The following TEX15 variants were observed in gnomAD, a reference collection of about 807,000 sequenced individuals.
TEX15 encodes the protein testis expressed 15, meiosis and synapsis associated.
In TEX15, 171 loss-of-function variants were observed where a neutral mutation model predicts 237.3. The observed-to-expected ratio is 0.72, with a 90% confidence interval of 0.64 to 0.82. The LOEUF (loss-of-function observed/expected upper bound fraction) is 0.82, where lower values mean the gene tolerates loss of function less well. Among genes scored for constraint, TEX15 ranks in the 40% least tolerant of loss-of-function variants. The pLI is 0.00. For synonymous variants in TEX15, 1,338 were observed against 1,269.8 expected, an observed-to-expected ratio of 1.05 and a Z score of -1.14; for missense variants, 3,750 against 3,646.5, an observed-to-expected ratio of 1.03 and a Z score of -0.73.
chr8:30,912,163 C>T (rs1460673001), intron 1 of TEX15, among the ~76,000 whole-genome samples: 1 of 152,194 alleles, frequency 6.6e-6, no homozygotes, highest in Admixed American at 6.5e-5. Flanking sequence ...CCGCGTCCAC[C>T]GGCTCCTGCA....
Position 30,885,952 on chromosome 8 carries a change from C to G in TEX15, c.136+1215G>C, listed in dbSNP as rs1001344706. On this transcript the variant is annotated intron_variant, in intron 3 of 10. Transcript: ENST00000643185. ...TCATTTCTTTGATGAGATTTTCTAG[C>G]TTTTCATTTGTTTCAAAAGTGTCTG... Among the ~76,000 whole-genome samples, 10 of 152,094 alleles carry G rather than the reference C, an allele frequency of 6.6e-5. 1 individual carries two copies. Among genetic ancestry groups the G allele is most frequent in the Admixed American group, 5.2e-4 (8 of 15,244 alleles).
intron 5 of TEX15, among the ~76,000 whole-genome samples, chr8:30,862,011 G>T (rs1419228103): frequency 4.6e-5 from 7 of 152,026 alleles, no homozygotes; most frequent in African/African-American, 1.7e-4. Flanking sequence ...ATAATATATA[G>T]GTTTACTGAG....
In TEX15 at chr8:30,846,895, G is replaced by A; in HGVS notation, c.3272C>T (p.Thr1091Ile). Residue 1091 changes from threonine (T) to isoleucine (I), a missense_variant, in exon 8 of 11, where the codon ACC becomes ATC. By Grantham distance (89) the Thr-to-Ile change is moderately conservative (BLOSUM62 -1). Coordinates refer to ENST00000643185, the MANE Select transcript of TEX15 (RefSeq NM_001350162.2). ...ACGAGACTTCAGAGCCTTATATGAG[G>A]TCACAAATTCTTCACAAAGCATGTT... ...HENMLCEEFV[T>I]SYKALKSRIS... 1.2e-6 allele frequency: 2 copies of A among 1,613,744 alleles called. No individual in the cohort carries two copies. The highest frequency in any genetic ancestry group is 1.7e-6 in the Non-Finnish European group (2 of 1,179,786).
In TEX15 at chr8:30,836,858, A is replaced by G; in HGVS notation, c.9426T>C (p.Ala3142=). ...QYASHQPLPQ[A]TYPYLPNRFV... is the part of the protein sequence containing the mutation. ...ATCGATTAGGAAGGTAAGGGTATGTAGCTTGTGGTAATGGCTGATGAGAAG... is the reference window on the plus strand; with the variant it reads ...ATCGATTAGGAAGGTAAGGGTATGTGGCTTGTGGTAATGGCTGATGAGAAG... Residue 3142 remains alanine, a synonymous_variant, in exon 10 of 11, where the codon GCT becomes GCC. Coordinates refer to ENST00000643185, the MANE Select transcript of TEX15 (RefSeq NM_001350162.2). 1 of 1,614,162 alleles carries G rather than the reference A, an allele frequency of 6.2e-7. No homozygotes were observed. Among genetic ancestry groups the G allele is most frequent in the Admixed American group, 1.7e-5 (1 of 60,028 alleles).
rs899825179 is a variant in TEX15, at chr8:30,844,358, C to G, written c.5809G>C (p.Asp1937His). The G allele has an allele frequency of 6.2e-7, 1 of 1,611,182 alleles. No individual in the cohort carries two copies. The highest frequency in any genetic ancestry group is 1.3e-5 in the African/African-American group (1 of 74,782). Residue 1937 changes from aspartate (D) to histidine (H), a missense_variant, in exon 8 of 11, where the codon GAC (aspartate) becomes CAC (histidine). Transcript: ENST00000643185. ...EIKVSKDSQSDLTLHSEIAYI... is the reference protein window; with the variant it reads ...EIKVSKDSQSHLTLHSEIAYI... ...GCTATTTCTGAATGTAATGTCAAGT[C>G]AGACTGCGAGTCTTTACTAACTTTA...
rs748667149 is a variant in TEX15, at chr8:30,844,196, C to T, written c.5971G>A (p.Ala1991Thr). Reference sequence around the variant, plus strand: ...TTAGCTATAAGGGCCGTATGATTAGCTGAGCAATGTTTTTCTTTAAAATCA... The same window carrying T: ...TTAGCTATAAGGGCCGTATGATTAGTTGAGCAATGTTTTTCTTTAAAATCA... ...VSDFKEKHCS[A>T]NHTALIANLS... The change falls in exon 8 of 11, where the codon GCT becomes ACT. Residue 1991 changes from alanine to threonine, a missense_variant. By Grantham distance (58) the Ala-to-Thr change is moderately conservative. Coordinates refer to ENST00000643185, the MANE Select transcript of TEX15 (RefSeq NM_001350162.2). 20 of 1,611,946 alleles carry T rather than the reference C, an allele frequency of 1.2e-5. No individual in the cohort carries two copies. The highest frequency in any genetic ancestry group is 1.6e-5 in the Non-Finnish European group (19 of 1,179,174).
At chr8:30,859,496 GAGTAATTAAATCAA>G (rs1207518467) in intron 6 of TEX15, among the ~76,000 whole-genome samples, 1 of 151,962 alleles carries the variant, frequency 6.6e-6, no homozygotes, top group Non-Finnish European at 1.5e-5. Flanking sequence ...ATACAATGAG[GAGTAATTAAATCAA>G]GGTAATTAAC....
In TEX15 at chr8:30,844,019, C is replaced by A. The variant is rs367594731; in HGVS notation, c.6148G>T (p.Glu2050Ter). 5 of 1,611,466 alleles carry A rather than the reference C, an allele frequency of 3.1e-6. No individual in the cohort carries two copies. The African/African-American group carries it at 6.7e-5, about 22-fold the overall frequency. The change falls in exon 8 of 11, where the codon GAA becomes TAA. Residue 2050 changes from glutamate (E) to a stop codon, truncating the protein, a stop_gained. Transcript: ENST00000643185. LOFTEE classifies it high-confidence loss of function. ...CACAGGTTTTGGTCTACCAACAGTT[C>A]TCTTGAAATCAGGATTTGTTCAACT... is the stretch of plus-strand genomic sequence containing the variant. The part of the protein sequence containing the change: ...CSVEQILISR[E>*]LLVDQNLWNN...
At chr8:30,871,404 A>G (rs1407483137) in intron 4 of TEX15, among the ~76,000 whole-genome samples, 1 of 152,032 alleles carries the variant, frequency 6.6e-6, no homozygotes, top group Non-Finnish European at 1.5e-5. Flanking sequence ...AGCTCCCATG[A>G]TGGTCACAAG....
Position 30,844,580 on chromosome 8 carries a change from T to C in TEX15, c.5587A>G (p.Thr1863Ala), listed in dbSNP as rs770682375. 3 of 1,613,208 alleles carry C rather than the reference T, an allele frequency of 1.9e-6. No individual in the cohort carries two copies. Among genetic ancestry groups the C allele is most frequent in the Non-Finnish European group, 2.5e-6 (3 of 1,179,554 alleles). Residue 1863 changes from threonine to alanine, a missense_variant, in exon 8 of 11, where the codon ACT (threonine) becomes GCT (alanine). Physicochemically the swap from Thr to Ala is moderately conservative, Grantham distance 58. Coordinates refer to ENST00000643185, the MANE Select transcript of TEX15 (RefSeq NM_001350162.2). ...AKDSVYKRSM[T>A]EGSTVNTEYK... ...TCAGTATTAACAGTTGATCCTTCAGTCATGCTTCTTTTGTAAACAGAATCT... is the reference window on the plus strand; with the variant it reads ...TCAGTATTAACAGTTGATCCTTCAGCCATGCTTCTTTTGTAAACAGAATCT...
intron 5 of TEX15, among the ~76,000 whole-genome samples, chr8:30,863,842 C>T (rs568387780): frequency 6.6e-6 from 1 of 152,102 alleles, no homozygotes; most frequent in South Asian, 2.1e-4. Flanking sequence ...AAAACCACAA[C>T]CAAACCCTGG....
In TEX15 at chr8:30,858,774, A is replaced by T. The variant is rs1363655585; in HGVS notation, c.744T>A (p.Cys248Ter). 6.5e-7 allele frequency: 1 copy of T among 1,535,748 alleles called. No individual in the cohort carries two copies. Among genetic ancestry groups the T allele is most frequent in the African/African-American group, 1.4e-5 (1 of 73,150 alleles). Residue 248 changes from cysteine to a stop codon, truncating the protein, a stop_gained, in exon 7 of 11, where the codon TGT becomes TGA. Transcript: ENST00000643185. LOFTEE classifies it high-confidence loss of function. ...LSKPVDKPRQ[C>*]LPYAVVTVKF... ...TTACTGTTACTACAGCATATGGAAGACATTGCCTAGGTTTATCTACAGGCT... is the reference window on the plus strand; with the variant it reads ...TTACTGTTACTACAGCATATGGAAGTCATTGCCTAGGTTTATCTACAGGCT...
At chr8:30,881,510 T>C (rs2128774728) in intron 3 of TEX15, among the ~76,000 whole-genome samples, 1 of 152,240 alleles carries the variant, frequency 6.6e-6, no homozygotes, top group South Asian at 2.1e-4. Flanking sequence ...TTATGGCTTC[T>C]TTTTCCTTTG....
rs374258348 is a variant in TEX15 at position 30,846,154 on chromosome 8, C to T, written c.4013G>A (p.Cys1338Tyr). 6.2e-7 allele frequency: 1 copy of T among 1,613,302 alleles called. No homozygotes were observed. The highest frequency in any genetic ancestry group is 1.3e-5 in the African/African-American group (1 of 74,882). Residue 1338 changes from cysteine to tyrosine, a missense_variant, in exon 8 of 11, where the codon TGT becomes TAT. By Grantham distance (194) the Cys-to-Tyr change is radical. Transcript: ENST00000643185. ...TCGTCCTTGGGATAATGAAGAGAAA[C>T]ACTCAGATGAGTCTTGACTGGTTAG... ...RRLTSQDSSE[C>Y]FSSLSQGRIK...
Position 30,846,720 on chromosome 8 carries a change from G to C in TEX15, c.3447C>G (p.Ser1149Arg). The C allele has an allele frequency of 6.2e-7, 1 of 1,613,524 alleles. No homozygotes were observed. Among genetic ancestry groups the C allele is most frequent in the Non-Finnish European group, 8.5e-7 (1 of 1,179,746 alleles). ...STQNNETELT[S>R]PILLPDLQIK... ...TTTGTAGATCTGGAAGTAAAATTGGGCTGGTAAGTTCTGTTTCATTGTTTT... is the reference window on the plus strand; with the variant it reads ...TTTGTAGATCTGGAAGTAAAATTGGCCTGGTAAGTTCTGTTTCATTGTTTT... The change falls in exon 8 of 11, where the codon AGC becomes AGG. Residue 1149 changes from serine (S) to arginine (R), a missense_variant. Transcript: ENST00000643185.
chr8:30,848,630 T>A lies in TEX15; in HGVS notation c.1537A>T (p.Met513Leu). ...ATACAGTCATAGTCCTCAGAGCCCA[T>A]GTTGTGAGCCCAAGATTGTGAATCA... is the stretch of plus-strand genomic sequence containing the variant. ...VNDSQSWAHN[M>L]GSEDYDCIPP... The change falls in exon 8 of 11, where the codon ATG (methionine) becomes TTG (leucine). Residue 513 changes from methionine (M) to leucine (L), a missense_variant. Coordinates refer to ENST00000643185, the MANE Select transcript of TEX15 (RefSeq NM_001350162.2). 1 of 1,614,134 alleles carries A rather than the reference T, an allele frequency of 6.2e-7. No individual in the cohort carries two copies. The highest frequency in any genetic ancestry group is 8.5e-7 in the Non-Finnish European group (1 of 1,180,004).
chr8:30,906,800 G>A (rs368425150), intron 1 of TEX15, among the ~76,000 whole-genome samples: 1 of 152,010 alleles, frequency 6.6e-6, no homozygotes, highest in Non-Finnish European at 1.5e-5. Context: ...CCCATTTTAC[G>A]TATGAAAATT....
At chr8:30,910,610 C>CTT (rs796129316) in intron 1 of TEX15, among the ~76,000 whole-genome samples, 264 of 97,862 alleles carry the variant, frequency 2.7e-3, no homozygotes, top group African/African-American at 4.9e-3. Flanking sequence ...CACGCCTGGC[C>CTT]TTTTTTTTTT....
chr8:30,837,157 C>T lies in TEX15; in HGVS notation c.9127G>A (p.Ala3043Thr). The change falls in exon 10 of 11, where the codon GCT becomes ACT. Residue 3043 changes from alanine (A) to threonine (T), a missense_variant. By Grantham distance (58) the Ala-to-Thr change is moderately conservative (BLOSUM62 0). Coordinates refer to ENST00000643185, the MANE Select transcript of TEX15 (RefSeq NM_001350162.2). Reference sequence around the variant, plus strand: ...TTGCTGTACTGATAAACACACCAAGCAGAGTATGGATATGAAGTTCCAAAT... The same window carrying T: ...TTGCTGTACTGATAAACACACCAAGTAGAGTATGGATATGAAGTTCCAAAT... Reference protein sequence around the residue: ...HLFGTSYPYSAWCVYQYSNSN... With the variant: ...HLFGTSYPYSTWCVYQYSNSN... 1 of 1,614,036 alleles carries T rather than the reference C, an allele frequency of 6.2e-7. No homozygotes were observed. The highest frequency in any genetic ancestry group is 1.1e-5 in the South Asian group (1 of 91,076).
Sources: allele counts gnomAD v4.1 joint callset (sites outside exome capture counted in the v4.1 genomes callset), GRCh38; gene constraint gnomAD v4.1.1; transcripts MANE v1.5; gene names NCBI Gene and HGNC (gene_info 2026-07-23, HGNC 2026-07-21).